The following PCDHGA3 variants were observed in gnomAD, a reference collection of about 807,000 sequenced individuals.
The protein encoded by PCDHGA3 is protocadherin gamma subfamily A, 3, also known as protocadherin gamma-A3.
A neutral mutation model predicts 58.5 loss-of-function variants in PCDHGA3; 40 were observed. The ratio of observed to expected loss-of-function variants is 0.68; its 90% confidence interval spans 0.53 to 0.89. PCDHGA3 has a LOEUF of 0.89. Among genes scored for constraint, PCDHGA3 ranks in the 40% least tolerant of loss-of-function variants. PCDHGA3 has a pLI of 0.00. For missense variants in PCDHGA3, 1,223 were observed against 1,195.9 expected (o/e 1.02, Z -0.33); for synonymous variants, 530 against 525.7 (o/e 1.01, Z -0.11).
intron 1 of PCDHGA3, chr5:141,377,467 A>G (rs1170946460): frequency 1.3e-5 from 2 of 152,076 alleles, no homozygotes; most frequent in Non-Finnish European, 2.9e-5. Context: ...TGTGTGGCGT[A>G]CACCTGTAGT....
intron 1 of PCDHGA3, among the ~76,000 whole-genome samples, chr5:141,482,530 C>CAAAAAAAAA (rs3074545): frequency 5.2e-4 from 40 of 76,506 alleles, no homozygotes; most frequent in African/African-American, 1.4e-3. Context: ...GACAGACATG[C>CAAAAAAAAA]AAAAAAAAAA....
At chr5:141,443,442 C>T (rs571341362) in intron 1 of PCDHGA3, among the ~76,000 whole-genome samples, 9 of 152,202 alleles carry the variant, frequency 5.9e-5, no homozygotes, top group East Asian at 1.9e-4. Context: ...GCTGTGGTTG[C>T]GCTCCTGTAC....
intron 1 of PCDHGA3, chr5:141,418,282 A>G (rs1209026046): frequency 6.2e-7 from 1 of 1,614,030 alleles, no homozygotes; most frequent in Admixed American, 1.7e-5. Flanking sequence ...TAAACTTAGA[A>G]ATCAGTGAAT....
At chr5:141,350,453 C>A (rs373789913) in intron 1 of PCDHGA3, 68 of 1,611,408 alleles carry the variant, frequency 4.2e-5, no homozygotes, top group South Asian at 1.1e-4. Flanking sequence ...TCGAAAACTG[C>A]GGGTTAGTGC....
chr5:141,451,134 T>A (rs567790185), intron 1 of PCDHGA3, among the ~76,000 whole-genome samples: 1 of 152,254 alleles, frequency 6.6e-6, no homozygotes, highest in South Asian at 2.1e-4. Context: ...AGCCTTATGA[T>A]TGTATTTAGA....
At position 141,432,851 on chromosome 5, in the gene PCDHGA3, G is replaced by T. The variant is rs561153330; in HGVS notation, c.2425-61956G>T. 8 of 1,614,198 alleles carry T rather than the reference G, an allele frequency of 5.0e-6. No homozygotes were observed. In the African/African-American group the frequency reaches 9.3e-5, roughly 19 times the overall value. ...CACTCTGTACCTGGTGGTAGCGGTG[G>T]CCGCGGTCTCCTGCGTCTTCCTGGC... On this transcript the variant is annotated intron_variant, in intron 1 of 3. Transcript: ENST00000253812. This position sits in a 1 kb window ranked among gnomAD's most constrained non-coding sequence, Gnocchi z 6.0.
At position 141,486,761 on chromosome 5, in the gene PCDHGA3, A is replaced by G. The variant is rs1368106682; in HGVS notation, c.2425-8046A>G. 1 of 1,614,114 alleles carries G rather than the reference A, an allele frequency of 6.2e-7. No homozygotes were observed. The highest frequency in any genetic ancestry group is 8.5e-7 in the Non-Finnish European group (1 of 1,180,056). ...ATCCTTTGACTATGAGCAAACCCAG[A>G]CACTGCAGTTTGAGGTGCAGGCCCG... On this transcript the variant is annotated intron_variant, in intron 1 of 3. Transcript: ENST00000253812. The surrounding 1 kb of genome is among the most constrained non-coding windows in gnomAD (Gnocchi z 5.0).
chr5:141,393,480 T>A (rs1026854698), intron 1 of PCDHGA3: 1 of 1,614,062 alleles, frequency 6.2e-7, no homozygotes, highest in Non-Finnish European at 8.5e-7. Context: ...GCCGCCTCGC[T>A]CTAGCACAGT....
At chr5:141,374,285 T>A in intron 1 of PCDHGA3, 1 of 1,613,970 alleles carries the variant, frequency 6.2e-7, no homozygotes. Flanking sequence ...CCGCATCGTC[T>A]CCAGAGGTAG....
Position 141,433,362 on chromosome 5 carries a change from T to G in PCDHGA3, c.2425-61445T>G, listed in dbSNP as rs1285511534. ...GTGCAAGCCACCTACTGTCTGCCTA[T>G]CTATCTATCTATCTATCTATCTATC... On this transcript the variant is annotated intron_variant, in intron 1 of 3. Transcript: ENST00000253812. 4 of 299,814 alleles carry G rather than the reference T, an allele frequency of 1.3e-5. No individual in the cohort carries two copies. In the East Asian group the frequency reaches 1.8e-4, roughly 14 times the overall value. 18.6% of individuals were successfully genotyped at this position (299,814 alleles called of 1,614,324 possible). A position where few individuals can be genotyped will look rare whatever the true frequency, so the allele number is the denominator to read the frequency against.
At chr5:141,384,879 C>T (rs771003299) in intron 1 of PCDHGA3, 1 of 1,613,874 alleles carries the variant, frequency 6.2e-7, no homozygotes, top group Middle Eastern at 1.6e-4. Context: ...CCGTCACACT[C>T]ACCGTGGCTG....
rs374995933 is a variant in PCDHGA3 at position 141,371,810 on chromosome 5, G to T, written c.2424+25353G>T. 1,100 of 1,613,756 alleles carry T rather than the reference G, an allele frequency of 6.8e-4. 2 individuals carry two copies. Among genetic ancestry groups the T allele is most frequent in the Non-Finnish European group, 9.0e-4 (1,060 of 1,179,898 alleles). On this transcript the variant is annotated intron_variant, in intron 1 of 3. Transcript: ENST00000253812. ...ACAATCCGCCTGGAGCCTCCATTGC[G>T]CATGTCAGAGCCTCGGATCCCGACT...
intron 1 of PCDHGA3, chr5:141,441,801 G>A (rs954094882): frequency 7.8e-6 from 3 of 384,492 alleles, no homozygotes; most frequent in African/African-American, 4.4e-5. Flanking sequence ...CGCACCGCGG[G>A]TGCTGTACCC....
chr5:141,485,454 C>T lies in PCDHGA3; in HGVS notation c.2425-9353C>T. On this transcript the variant is annotated intron_variant, in intron 1 of 3. Transcript: ENST00000253812. This position sits in a 1 kb window ranked among gnomAD's most constrained non-coding sequence, Gnocchi z 5.7. Reference sequence around the variant, plus strand: ...ATCAAGAACCCAATCGACCGAGAGGCACTGTGTGGGCTCAGTGCCAGCTGC... The same window carrying T: ...ATCAAGAACCCAATCGACCGAGAGGTACTGTGTGGGCTCAGTGCCAGCTGC... The T allele has an allele frequency of 6.2e-7, 1 of 1,614,162 alleles. No homozygotes were observed. Among genetic ancestry groups the T allele is most frequent in the East Asian group, 2.2e-5 (1 of 44,868 alleles).
At chr5:141,441,981 C>A in intron 1 of PCDHGA3, 1 of 278,140 alleles carries the variant, frequency 3.6e-6, no homozygotes, top group South Asian at 3.6e-5. Context: ...GCCTGGAATG[C>A]GCACCGACGA....
chr5:141,376,508 G>A (rs1267982619), intron 1 of PCDHGA3: 1 of 1,614,020 alleles, frequency 6.2e-7, no homozygotes, highest in South Asian at 1.1e-5. Context: ...GCAACTTCAG[G>A]TGAGTTTCTT....
At chr5:141,383,175 G>A in intron 1 of PCDHGA3, 1 of 1,614,114 alleles carries the variant, frequency 6.2e-7, no homozygotes, top group Non-Finnish European at 8.5e-7. Flanking sequence ...GGATAGACCG[G>A]GAAGAGATCT....
chr5:141,458,609 A>T (rs1037852455), intron 1 of PCDHGA3, among the ~76,000 whole-genome samples: 1 of 152,004 alleles, frequency 6.6e-6, no homozygotes, highest in Non-Finnish European at 1.5e-5. Flanking sequence ...TCACTCTGTC[A>T]GCCAGGCTGG....
chr5:141,351,777 A>G, intron 1 of PCDHGA3: 1 of 1,613,470 alleles, frequency 6.2e-7, no homozygotes, highest in East Asian at 2.2e-5. Context: ...GTGAGCCCGC[A>G]GAGCGGGGTG....
Sources: gnomAD v4.1 joint callset for allele counts (sites outside exome capture counted in the v4.1 genomes callset) on GRCh38, gnomAD v4.1.1 for gene constraint, Gnocchi (gnomAD v3.1) non-coding constraint, MANE v1.5 for transcripts, NCBI Gene and HGNC (gene_info 2026-07-23, HGNC 2026-07-21) for gene names.